Variants in CD1B observed in about 807,000 individuals in gnomAD.
The protein encoded by CD1B is T-cell surface glycoprotein CD1b.
CD1B carries 43 observed loss-of-function variants against 39.8 expected under a neutral mutation model. The observed-to-expected ratio is 1.08, with a 90% CI of 0.85 to 1.39. The LOEUF (loss-of-function observed/expected upper bound fraction) is 1.39, where lower values mean the gene tolerates loss of function less well. Ranked by LOEUF, CD1B falls within the 40% of genes most tolerant of loss-of-function variation. CD1B has a pLI of 0.00. For missense variants in CD1B, 495 were observed against 403.8 expected, an observed-to-expected ratio of 1.23 and a Z score of -1.94; for synonymous variants, 192 against 152.5, an observed-to-expected ratio of 1.26 and a Z score of -1.91.
At chr1:158,313,109 G>A in the CD1B span, among the ~76,000 whole-genome samples, 22 of 148,892 alleles carry the variant, frequency 1.5e-4, no homozygotes, top group Admixed American at 4.7e-4. Flanking sequence ...AAATGATTAC[G>A]TGCTTTTGTC....
the CD1B span, among the ~76,000 whole-genome samples, chr1:158,311,884 T>C: frequency 6.6e-6 from 1 of 152,182 alleles, no homozygotes; most frequent in African/African-American, 2.4e-5. Flanking sequence ...TACCATGCTG[T>C]TTTGGTTACT....
At chr1:158,317,838 G>A in the CD1B span, among the ~76,000 whole-genome samples, 19 of 152,094 alleles carry the variant, frequency 1.2e-4, no homozygotes, top group Non-Finnish European at 2.9e-5. Context: ...CTTTGAATGC[G>A]TCCCAGAGAT....
the CD1B span, among the ~76,000 whole-genome samples, chr1:158,313,817 C>A: frequency 1.3e-5 from 2 of 152,074 alleles, no homozygotes; most frequent in Non-Finnish European, 2.9e-5. Flanking sequence ...TAATGGGAGA[C>A]TTTAAACTAT....
At chr1:158,306,707 G>T in the CD1B span, among the ~76,000 whole-genome samples, 1 of 152,126 alleles carries the variant, frequency 6.6e-6, no homozygotes, top group Non-Finnish European at 1.5e-5. Flanking sequence ...AAATGTAAAA[G>T]AACAGAAATT....
the CD1B span, among the ~76,000 whole-genome samples, chr1:158,312,196 T>A: frequency 6.6e-6 from 1 of 152,150 alleles, no homozygotes; most frequent in Non-Finnish European, 1.5e-5. Flanking sequence ...ATAATTCCCA[T>A]ATGTTGTGGG....
chr1:158,305,594 C>G, the CD1B span, among the ~76,000 whole-genome samples: 1 of 152,140 alleles, frequency 6.6e-6, no homozygotes, highest in Non-Finnish European at 1.5e-5. Flanking sequence ...CACAAAGATA[C>G]TCCTCAAGAA....
At chr1:158,291,750 A>T in the CD1B span, among the ~76,000 whole-genome samples, 1 of 152,154 alleles carries the variant, frequency 6.6e-6, no homozygotes, top group Non-Finnish European at 1.5e-5. Context: ...AATGACCATT[A>T]TGACCAATTT....
At chr1:158,289,372 G>A in the CD1B span, among the ~76,000 whole-genome samples, 2 of 152,212 alleles carry the variant, frequency 1.3e-5, no homozygotes, top group African/African-American at 4.8e-5. Context: ...TATTTGTTAT[G>A]GTCCTATGCA....
At chr1:158,315,549 C>G in the CD1B span, among the ~76,000 whole-genome samples, 5,272 of 150,452 alleles carry the variant, frequency 0.035, 292 homozygotes, top group African/African-American at 0.12. Context: ...TGTAGATTCT[C>G]GATATTAGCC....
chr1:158,325,726 T>C (rs535511281), downstream of CD1B, among the ~76,000 whole-genome samples: 5 of 152,222 alleles, frequency 3.3e-5, no homozygotes, highest in South Asian at 1.0e-3. Context: ...TCTTTTTTTA[T>C]TGTGGTAAAA....
At chr1:158,312,549 GA>G in the CD1B span, among the ~76,000 whole-genome samples, 8 of 151,976 alleles carry the variant, frequency 5.3e-5, no homozygotes, top group East Asian at 1.9e-4. Context: ...GTGTTTTATA[GA>G]TTTTTTTGTA....
the CD1B span, among the ~76,000 whole-genome samples, chr1:158,308,719 C>A: frequency 2.8e-4 from 43 of 152,054 alleles, no homozygotes; most frequent in African/African-American, 2.9e-4. Context: ...TGACAAAAAC[C>A]AGCAATGGGG....
At chr1:158,288,566 A>G in the CD1B span, among the ~76,000 whole-genome samples, 2 of 152,112 alleles carry the variant, frequency 1.3e-5, no homozygotes, top group African/African-American at 4.8e-5. Flanking sequence ...CAACTTTTTA[A>G]TTTTTTTATC....
At chr1:158,311,558 T>A in the CD1B span, among the ~76,000 whole-genome samples, 1 of 152,168 alleles carries the variant, frequency 6.6e-6, no homozygotes, top group Non-Finnish European at 1.5e-5. Context: ...TTTTGAGGTC[T>A]TATCGAAAAT....
rs770791244 is a variant in CD1B, at chr1:158,331,396, C to T, written c.28G>A (p.Ala10Thr). 2.5e-6 allele frequency: 4 copies of T among 1,613,956 alleles called. No individual in the cohort carries two copies. Among genetic ancestry groups the T allele is most frequent in the African/African-American group, 2.7e-5 (2 of 74,912 alleles). ...CTGTTACCACCAGGAAAGAGAACAG[C>T]TAACAGTTGAAATGGCAGCAGCAGC... The part of the protein sequence containing the change: MLLLPFQLL[A>T]VLFPGGNSEH... The change falls in exon 1 of 6, where the codon GCT becomes ACT. Residue 10 changes from alanine to threonine, a missense_variant. Ala to Thr is a moderately conservative substitution (Grantham distance 58, BLOSUM62 0). Coordinates refer to ENST00000368168, the MANE Select transcript of CD1B (RefSeq NM_001764.3).
At chr1:158,322,325 C>T in the CD1B span, among the ~76,000 whole-genome samples, 2 of 152,148 alleles carry the variant, frequency 1.3e-5, no homozygotes, top group Non-Finnish European at 2.9e-5. Flanking sequence ...CAACCTCTGC[C>T]TCCTAGGCTC....
the CD1B span, among the ~76,000 whole-genome samples, chr1:158,304,404 C>T: frequency 6.6e-6 from 1 of 152,130 alleles, no homozygotes; most frequent in Non-Finnish European, 1.5e-5. Context: ...GGGGCGCCCA[C>T]CATTGCCTAG....
the CD1B span, among the ~76,000 whole-genome samples, chr1:158,314,278 T>A: frequency 2.0e-4 from 30 of 152,126 alleles, no homozygotes; most frequent in African/African-American, 6.0e-4. Flanking sequence ...AGAGATGGGG[T>A]TTCACCATGT....
the CD1B span, among the ~76,000 whole-genome samples, chr1:158,308,672 C>G: frequency 6.6e-6 from 1 of 152,042 alleles, no homozygotes. Flanking sequence ...TCAGAAATAA[C>G]GCCACATATC....
Sources: gnomAD v4.1 joint callset for allele counts (sites outside exome capture counted in the v4.1 genomes callset) on GRCh38, gnomAD v4.1.1 for gene constraint, MANE v1.5 for transcripts, NCBI Gene and HGNC (gene_info 2026-07-23, HGNC 2026-07-21) for gene names.